LDB2: variants seen among roughly 807,000 people sequenced by gnomAD.
LDB2 encodes LIM domain binding 2, also known as LIM domain-binding protein 2.
Under a neutral mutation model 44.3 loss-of-function variants are expected in LDB2, and 12 were observed. That is an observed-to-expected ratio of 0.27 (90% CI 0.17 to 0.44). LDB2 has a LOEUF of 0.44. Among genes scored for constraint, LDB2 ranks in the 20% least tolerant of loss-of-function variants. LDB2 has a pLI of 1.00. For missense variants in LDB2, 344 were observed against 473.5 expected, an observed-to-expected ratio of 0.73 and a Z score of 2.54; for synonymous variants, 164 against 174.8, an observed-to-expected ratio of 0.94 and a Z score of 0.49.
chr4:16,642,428 G>C (rs540552120), intron 2 of LDB2, among the ~76,000 whole-genome samples: 6 of 152,256 alleles, frequency 3.9e-5, no homozygotes, highest in Admixed American at 2.0e-4. Context: ...AAAACTTCAT[G>C]ATACAGAAGT....
intron 4 of LDB2, among the ~76,000 whole-genome samples, chr4:16,587,729 C>T (rs1717508766): frequency 6.6e-6 from 1 of 152,098 alleles, no homozygotes; most frequent in African/African-American, 2.4e-5. Context: ...AAGTCAGAAC[C>T]ACCTCGGGCA....
intron 1 of LDB2, among the ~76,000 whole-genome samples, chr4:16,894,171 G>A (rs1267866272): frequency 6.6e-6 from 1 of 152,114 alleles, no homozygotes. Context: ...TGTGTACAGT[G>A]TTAAAACTAT....
At chr4:16,857,097 T>C (rs1308029790) in intron 1 of LDB2, among the ~76,000 whole-genome samples, 1 of 152,196 alleles carries the variant, frequency 6.6e-6, no homozygotes, top group African/African-American at 2.4e-5. Flanking sequence ...TTACTAATTC[T>C]CATAGAACAT....
At chr4:16,632,663 T>C (rs113030384) in intron 2 of LDB2, among the ~76,000 whole-genome samples, 1 of 152,180 alleles carries the variant, frequency 6.6e-6, no homozygotes, top group African/African-American at 2.4e-5. Context: ...GATAACATGA[T>C]TGTATACTTA....
intron 2 of LDB2, among the ~76,000 whole-genome samples, chr4:16,756,273 A>T (rs1766624331): frequency 1.3e-5 from 2 of 152,032 alleles, no homozygotes; most frequent in South Asian, 4.2e-4. Flanking sequence ...AACATGGTGA[A>T]ACCTTGTCTC....
Position 16,508,558 on chromosome 4 carries a change from G to A in LDB2, c.868C>T (p.Leu290=), listed in dbSNP as rs983571400. ...GSKKKTTAAN[L]SLSSQVPDVM... ...ACAGGTACCTGACTGGACAGACTCA[G>A]GTTTGCAGCTGTGGTCTTCTTCTTG... The change falls in exon 7 of 8, where the codon CTG becomes TTG. Residue 290 remains leucine (L), a synonymous_variant. Coordinates refer to ENST00000304523, the MANE Select transcript of LDB2 (RefSeq NM_001290.5). 5 of 1,604,302 alleles carry A rather than the reference G, an allele frequency of 3.1e-6. No homozygotes were observed. The highest frequency in any genetic ancestry group is 3.4e-6 in the Non-Finnish European group (4 of 1,174,790).
rs528732810 is a variant in LDB2 at position 16,610,284 on chromosome 4, A to G, written c.236-14409T>C. Among the ~76,000 whole-genome samples, 10 of 152,172 alleles carry G rather than the reference A, an allele frequency of 6.6e-5. No individual in the cohort carries two copies. In the South Asian group the frequency reaches 1.9e-3, roughly 28 times the overall value. On this transcript the variant is annotated intron_variant, in intron 2 of 7. Coordinates refer to ENST00000304523, the MANE Select transcript of LDB2 (RefSeq NM_001290.5). Reference sequence around the variant, plus strand: ...ATCAGTGAAAAAATGCTGAAAACCCAAAAGGCCAGAGTGCCTCGTCTCCTC... The same window carrying G: ...ATCAGTGAAAAAATGCTGAAAACCCGAAAGGCCAGAGTGCCTCGTCTCCTC...
At chr4:16,559,151 A>G (rs1318266318) in intron 5 of LDB2, among the ~76,000 whole-genome samples, 2 of 152,248 alleles carry the variant, frequency 1.3e-5, no homozygotes, top group Non-Finnish European at 2.9e-5. Context: ...AAGAAACTGC[A>G]TCAACTAACT....
intron 5 of LDB2, among the ~76,000 whole-genome samples, chr4:16,540,671 T>A (rs28585032): frequency 0.4 from 60,345 of 151,966 alleles, 12,964 homozygotes; most frequent in East Asian, 0.63. Context: ...AAAATTATTT[T>A]CAGGAAGAGT....
At chr4:16,645,530 C>T (rs930209441) in intron 2 of LDB2, among the ~76,000 whole-genome samples, 7 of 109,742 alleles carry the variant, frequency 6.4e-5, no homozygotes, top group African/African-American at 1.8e-4. Flanking sequence ...GGCGACAGAG[C>T]GAGACTCCGT....
intron 1 of LDB2, among the ~76,000 whole-genome samples, chr4:16,776,140 T>A (rs769480687): frequency 1.3e-5 from 2 of 152,246 alleles, no homozygotes; most frequent in African/African-American, 4.8e-5. Context: ...CTGTTCCTGA[T>A]ACTTCTTTGA....
At chr4:16,708,522 A>G (rs142073993) in intron 2 of LDB2, among the ~76,000 whole-genome samples, 2,744 of 152,094 alleles carry the variant, frequency 0.018, 45 homozygotes, top group Middle Eastern at 0.038. Context: ...TTTACCCACT[A>G]CTTACCACCT....
intron 2 of LDB2, chr4:16,726,254 T>C (rs1287299573): frequency 6.6e-6 from 1 of 152,156 alleles, no homozygotes; most frequent in Non-Finnish European, 1.5e-5. Flanking sequence ...TAAAAACCTG[T>C]TCCTGAATTC....
chr4:16,526,267 T>G (rs1728205760), intron 5 of LDB2, among the ~76,000 whole-genome samples: 1 of 152,194 alleles, frequency 6.6e-6, no homozygotes, highest in South Asian at 2.1e-4. Context: ...TGGGACACCC[T>G]TCTTCTCCTG....
rs1363475259 is a variant in LDB2, at chr4:16,700,577, A to T, written c.235+58581T>A. ...TGTTTTGCCTGGCACTTCATATTCA[A>T]TCACATTACACCTGCAAAGCTGGGC... On this transcript the variant is annotated intron_variant, in intron 2 of 7. Transcript: ENST00000304523. Among the ~76,000 whole-genome samples the T allele has an allele frequency of 2.6e-5, 4 of 152,112 alleles. No individual in the cohort carries two copies. The East Asian group carries it at 7.7e-4, about 29-fold the overall frequency.
intron 2 of LDB2, among the ~76,000 whole-genome samples, chr4:16,685,372 GTTTT>G (rs111813827): frequency 4.0e-5 from 6 of 151,802 alleles, no homozygotes; most frequent in African/African-American, 1.2e-4. Flanking sequence ...CATCTCTCAA[GTTTT>G]TTTTGTTTTG....
intron 5 of LDB2, among the ~76,000 whole-genome samples, chr4:16,567,845 C>T (rs1198029470): frequency 1.3e-5 from 2 of 152,168 alleles, no homozygotes; most frequent in Admixed American, 6.5e-5. Flanking sequence ...GAATAAATTA[C>T]AGTACAAATA....
At chr4:16,874,655 C>T (rs186794756) in intron 1 of LDB2, among the ~76,000 whole-genome samples, 44 of 152,308 alleles carry the variant, frequency 2.9e-4, no homozygotes, top group Non-Finnish European at 2.6e-4. Context: ...CTACCTAATG[C>T]AAAGCCTGCT....
intron 2 of LDB2, among the ~76,000 whole-genome samples, chr4:16,728,187 TA>T (rs1759947263): frequency 6.6e-6 from 1 of 151,962 alleles, no homozygotes; most frequent in Non-Finnish European, 1.5e-5. Context: ...ATCAGACAGT[TA>T]AAAAAGGGAT....
Sources: gnomAD v4.1 joint callset for allele counts (sites outside exome capture counted in the v4.1 genomes callset) on GRCh38, gnomAD v4.1.1 for gene constraint, MANE v1.5 for transcripts, NCBI Gene and HGNC (gene_info 2026-07-23, HGNC 2026-07-21) for gene names.